The following METTL1 variants were observed in gnomAD, a reference collection of about 807,000 sequenced individuals.
METTL1 encodes the protein methyltransferase 1, tRNA methylguanosine.
In METTL1, 14 loss-of-function variants were observed where a neutral mutation model predicts 27.7. That is an observed-to-expected ratio of 0.51 (90% CI 0.33 to 0.79). The LOEUF (loss-of-function observed/expected upper bound fraction) is 0.79. Ranked by LOEUF, METTL1 falls within the 30% of genes least tolerant of loss-of-function variation. The probability of loss-of-function intolerance (pLI) is 0.02; values close to 1 mark genes in which losing one functional copy is unlikely to be tolerated. For missense variants in METTL1, 333 were observed against 359.6 expected (o/e 0.93, Z 0.60); for synonymous variants, 138 against 137.0 (o/e 1.01, Z -0.05).
Position 57,772,052 on chromosome 12 carries a change from G to T in METTL1, c.32C>A (p.Ala11Glu). 2 of 1,557,512 alleles carry T rather than the reference G, an allele frequency of 1.3e-6. No individual in the cohort carries two copies. The highest frequency in any genetic ancestry group is 1.7e-6 in the Non-Finnish European group (2 of 1,160,790). ...GCGCTTCTGGGGCGGTGGGGCCTCT[G>T]CTCCGGCCACGTTCCGAGTCTCGGC... Reference protein sequence around the residue: MAAETRNVAGAEAPPPQKRYY... With the variant: MAAETRNVAGEEAPPPQKRYY... The change falls in exon 1 of 6, where the codon GCA becomes GAA. Residue 11 changes from alanine (A) to glutamate (E), a missense_variant. Physicochemically the swap from Ala to Glu is moderately radical, Grantham distance 107. Transcript: ENST00000324871. This position sits in a 1 kb window ranked among gnomAD's most constrained non-coding sequence, Gnocchi z 4.1.
chr12:57,771,264 G>A lies in METTL1; in HGVS notation c.111-7C>T, dbSNP rs1595124335. The A allele has an allele frequency of 6.7e-7, 1 of 1,494,420 alleles. No homozygotes were observed. Among genetic ancestry groups the A allele is most frequent in the Non-Finnish European group, 9.1e-7 (1 of 1,104,368 alleles). The allele number at this position is 1,494,420 out of a possible 1,614,324, so 92.6% of individuals were successfully genotyped here. A position where few individuals can be genotyped will look rare whatever the true frequency, so the allele number is the denominator to read the frequency against. On this transcript the variant is annotated splice_polypyrimidine_tract_variant and splice_region_variant and intron_variant, in intron 1 of 5. Coordinates refer to ENST00000324871, the MANE Select transcript of METTL1 (RefSeq NM_005371.6). Reference sequence around the variant, plus strand: ...CTCCTCTGGCTTCACAGGGCTATTGGAAAGAAGACATAAGAAGCATGAGAA... The same window carrying A: ...CTCCTCTGGCTTCACAGGGCTATTGAAAAGAAGACATAAGAAGCATGAGAA...
Position 57,772,062 on chromosome 12 carries a change from C to T in METTL1, c.22G>A (p.Val8Met), listed in dbSNP as rs762993504. 1 of 1,562,576 alleles carries T rather than the reference C, an allele frequency of 6.4e-7. No individual in the cohort carries two copies. The highest frequency in any genetic ancestry group is 2.1e-5 in the Admixed American group (1 of 47,184). ...GGCGGTGGGGCCTCTGCTCCGGCCA[C>T]GTTCCGAGTCTCGGCTGCCATGATC... MAAETRN[V>M]AGAEAPPPQK... The change falls in exon 1 of 6, where the codon GTG becomes ATG. Residue 8 changes from valine (V) to methionine (M), a missense_variant. Coordinates refer to ENST00000324871, the MANE Select transcript of METTL1 (RefSeq NM_005371.6). The surrounding 1 kb of genome is among the most constrained non-coding windows in gnomAD (Gnocchi z 4.1).
At chr12:57,771,577 G>T in intron 1 of METTL1, 1 of 1,535,412 alleles carries the variant, frequency 6.5e-7, no homozygotes. Context: ...GCTGCCTAAT[G>T]CACTGGGATC....
At chr12:57,770,286 A>C (rs574426390) in intron 2 of METTL1, among the ~76,000 whole-genome samples, 1 of 152,192 alleles carries the variant, frequency 6.6e-6, no homozygotes, top group Non-Finnish European at 1.5e-5. Flanking sequence ...AGATATGCCG[A>C]AGATCATAGA....
In METTL1 at chr12:57,769,080, C is replaced by T; in HGVS notation, c.747G>A (p.Gly249=). 5.6e-6 allele frequency: 9 copies of T among 1,611,822 alleles called. No homozygotes were observed. The highest frequency in any genetic ancestry group is 7.6e-6 in the Non-Finnish European group (9 of 1,178,040). Reference sequence around the variant, plus strand: ...TTCGGAAGATGGCTGGGAAATTCTTCCCTCCATTACGTAGAACTTTCTTCC... The same window carrying T: ...TTCGGAAGATGGCTGGGAAATTCTTTCCTCCATTACGTAGAACTTTCTTCC... ...EEGKKVLRNG[G]KNFPAIFRRI... The change falls in exon 6 of 6, where the codon GGG becomes GGA. Residue 249 remains glycine (G), a synonymous_variant. Coordinates refer to ENST00000324871, the MANE Select transcript of METTL1 (RefSeq NM_005371.6).
chr12:57,771,313 T>C, intron 1 of METTL1, 56 bp from the exon 2 acceptor site: 1 of 1,476,642 alleles, frequency 6.8e-7, no homozygotes, highest in Non-Finnish European at 9.3e-7. Context: ...ATTGCAGAAG[T>C]GGTACTGTGA....
intron 2 of METTL1, 21 bp downstream of exon 2, chr12:57,771,073 A>G (rs2140403294): frequency 6.2e-7 from 1 of 1,608,854 alleles, no homozygotes; most frequent in Non-Finnish European, 8.5e-7. Flanking sequence ...TCTCACCCCA[A>G]AAAGAGGGCC....
In METTL1 at chr12:57,768,583, G is replaced by A. The variant is rs528790580; in HGVS notation, c.*413C>T. ...TCCTGAGAAATGGCAGAATAGGCAT[G>A]TGTACACATATACATGTTATCCCAG... On this transcript the variant is annotated 3_prime_UTR_variant, in exon 6 of 6. Coordinates refer to ENST00000324871, the MANE Select transcript of METTL1 (RefSeq NM_005371.6). The A allele has an allele frequency of 2.8e-5, 5 of 178,986 alleles. No homozygotes were observed. The South Asian group carries it at 7.5e-4, about 27-fold the overall frequency. The allele number at this position is 178,986 out of a possible 1,614,324, so 11.1% of individuals were successfully genotyped here. A position where few individuals can be genotyped will look rare whatever the true frequency, so the allele number is the denominator to read the frequency against.
intron 1 of METTL1, 95 bp from the exon 2 acceptor site, chr12:57,771,352 TA>T: frequency 1.3e-6 from 2 of 1,504,924 alleles, no homozygotes; most frequent in Non-Finnish European, 1.8e-6. Flanking sequence ...GGGTGGGAGG[TA>T]AAAGGGAGGA....
intron 2 of METTL1, among the ~76,000 whole-genome samples, chr12:57,770,258 A>C (rs879480113): frequency 6.6e-6 from 1 of 152,240 alleles, no homozygotes; most frequent in Admixed American, 6.5e-5. Flanking sequence ...AATTGTGAAG[A>C]TAAGGAAACT....
At chr12:57,771,012 A>G in intron 2 of METTL1, 82 bp downstream of exon 2, 1 of 1,502,986 alleles carries the variant, frequency 6.7e-7, no homozygotes, top group Non-Finnish European at 9.0e-7. Context: ...GGAAAGGCCA[A>G]TTATGACCCC....
intron 2 of METTL1, 23 bp downstream of exon 2, chr12:57,771,071 C>CA (rs779856190): frequency 1.2e-6 from 2 of 1,608,198 alleles, no homozygotes; most frequent in Non-Finnish European, 1.7e-6. Context: ...CTTCTCACCC[C>CA]AAAAAGAGGG....
At position 57,769,911 on chromosome 12, in the gene METTL1, T is replaced by C. The variant is rs1336154690; in HGVS notation, c.320A>G (p.Glu107Gly). 1.2e-6 allele frequency: 2 copies of C among 1,613,116 alleles called. No individual in the cohort carries two copies. The highest frequency in any genetic ancestry group is 2.7e-5 in the African/African-American group (2 of 74,914). ...ATAGTCTGAGACCTTCACCCGGATC[T>C]CCAGACCCAGAATAAGTGTGTCTGG... is the stretch of plus-strand genomic sequence containing the variant. ...LFPDTLILGL[E>G]IRVKVSDYVQ... Residue 107 changes from glutamate to glycine, a missense_variant, in exon 3 of 6, where the codon GAG becomes GGG. Coordinates refer to ENST00000324871, the MANE Select transcript of METTL1 (RefSeq NM_005371.6).
chr12:57,771,957 CT>C lies in METTL1; in HGVS notation c.110+16del. The C allele has an allele frequency of 9.3e-6, 14 of 1,501,522 alleles. No individual in the cohort carries two copies. The highest frequency in any genetic ancestry group is 1.1e-5 in the Non-Finnish European group (13 of 1,130,802). 93.0% of individuals were successfully genotyped at this position (1,501,522 alleles called of 1,614,324 possible). A position where few individuals can be genotyped will look rare whatever the true frequency, so the allele number is the denominator to read the frequency against. On this transcript the variant is annotated intron_variant, in intron 1 of 5. Coordinates refer to ENST00000324871, the MANE Select transcript of METTL1 (RefSeq NM_005371.6). ...GAGAATCCCGCCCTCCTCTCTCTCC[CT>C]CTGCCCACTCCTCACTAGCGCAGCG...
chr12:57,769,088 T>G lies in METTL1; in HGVS notation c.739A>C (p.Asn247His). 6.2e-7 allele frequency: 1 copy of G among 1,611,288 alleles called. No individual in the cohort carries two copies. The highest frequency in any genetic ancestry group is 8.5e-7 in the Non-Finnish European group (1 of 1,177,596). Reference protein sequence around the residue: ...STEEGKKVLRNGGKNFPAIFR... With the variant: ...STEEGKKVLRHGGKNFPAIFR... ...ATGGCTGGGAAATTCTTCCCTCCAT[T>G]ACGTAGAACTTTCTTCCCCTCCTCA... The change falls in exon 6 of 6, where the codon AAT becomes CAT. Residue 247 changes from asparagine to histidine, a missense_variant. By Grantham distance (68) the Asn-to-His change is moderately conservative. Coordinates refer to ENST00000324871, the MANE Select transcript of METTL1 (RefSeq NM_005371.6).
At chr12:57,771,559 C>A in intron 1 of METTL1, 1 of 1,534,982 alleles carries the variant, frequency 6.5e-7, no homozygotes. Context: ...CCCCTTCTCC[C>A]GAGACTGGCT....
In METTL1 at chr12:57,768,718, G is replaced by A. The variant is rs1445756990; in HGVS notation, c.*278C>T. The A allele has an allele frequency of 5.1e-6, 2 of 395,274 alleles. No individual in the cohort carries two copies. The highest frequency in any genetic ancestry group is 9.1e-6 in the Non-Finnish European group (2 of 218,638). 24.5% of individuals were successfully genotyped at this position (395,274 alleles called of 1,614,324 possible). A position where few individuals can be genotyped will look rare whatever the true frequency, so the allele number is the denominator to read the frequency against. ...CTCACAAGGAGAAAGGAGTGCTAAG[G>A]AAGAGCAAGACCCCACAGCCTTCCA... On this transcript the variant is annotated 3_prime_UTR_variant, in exon 6 of 6. Transcript: ENST00000324871.
intron 1 of METTL1, chr12:57,771,616 G>T (rs867808233): frequency 6.5e-7 from 1 of 1,535,362 alleles, no homozygotes; most frequent in Non-Finnish European, 8.7e-7. Context: ...CTGCGGGGAG[G>T]GAAGGTAAGG....
chr12:57,769,658 G>C lies in METTL1; in HGVS notation c.480C>G (p.Leu160=). The C allele has an allele frequency of 6.4e-7, 1 of 1,566,436 alleles. No individual in the cohort carries two copies. The highest frequency in any genetic ancestry group is 8.7e-7 in the Non-Finnish European group (1 of 1,152,768). Residue 160 remains leucine, a synonymous_variant, in exon 4 of 6, where the codon CTC becomes CTG. Coordinates refer to ENST00000324871, the MANE Select transcript of METTL1 (RefSeq NM_005371.6). ...TCCGCTTGAAATGTGGGTCGGGGAA[G>C]AGGAAGAACATCTTTGTCAGCTGTG... The part of the protein sequence containing the change: ...YKGQLTKMFF[L]FPDPHFKRTK...
Sources: gnomAD v4.1 joint callset for allele counts (sites outside exome capture counted in the v4.1 genomes callset) on GRCh38, gnomAD v4.1.1 for gene constraint, Gnocchi (gnomAD v3.1) non-coding constraint, MANE v1.5 for transcripts, NCBI Gene and HGNC (gene_info 2026-07-23, HGNC 2026-07-21) for gene names.